Variants in MOK observed in about 807,000 individuals in gnomAD.
MOK encodes the protein MOK protein kinase, also known as MAPK/MAK/MRK overlapping kinase.
A neutral mutation model predicts 54.2 loss-of-function variants in MOK; 59 were observed. That is an observed-to-expected ratio of 1.09 (90% CI 0.88 to 1.35). The LOEUF (loss-of-function observed/expected upper bound fraction) is 1.35. Among genes scored for constraint, MOK ranks in the 40% most tolerant of loss-of-function variants. MOK has a pLI of 0.00. For synonymous variants in MOK, 210 were observed against 202.7 expected, an observed-to-expected ratio of 1.04 and a Z score of -0.31; for missense variants, 517 against 526.2, an observed-to-expected ratio of 0.98 and a Z score of 0.17.
At chr14:102,243,044 T>C (rs1372749118) in intron 7 of MOK, among the ~76,000 whole-genome samples, 7 of 152,142 alleles carry the variant, frequency 4.6e-5, no homozygotes, top group East Asian at 1.9e-4. Context: ...CCTCATCTGT[T>C]ACCTATCTTG....
At chr14:102,283,405 C>A in intron 2 of MOK, 73 bp downstream of exon 2, 1 of 899,036 alleles carries the variant, frequency 1.1e-6, no homozygotes, top group Non-Finnish European at 1.7e-6. Flanking sequence ...AAAGCTCCCC[C>A]CTAATATTAA....
In MOK at chr14:102,232,017, G is replaced by T; in HGVS notation, c.867-196C>A. 1 of 493,590 alleles carries T rather than the reference G, an allele frequency of 2.0e-6. No individual in the cohort carries two copies. The highest frequency in any genetic ancestry group is 3.6e-6 in the Non-Finnish European group (1 of 278,754). 30.6% of individuals were successfully genotyped at this position (493,590 alleles called of 1,614,324 possible). ...AGTCTCTGGGCCAGGAACAGAGCTG[G>T]CTCCATGAATCAGAAGCGCTGCCTA... On this transcript the variant is annotated intron_variant, in intron 9 of 11. Transcript: ENST00000361847. This position sits in a 1 kb window ranked among gnomAD's most constrained non-coding sequence, Gnocchi z 5.1.
rs2065131900 is a variant in MOK, at chr14:102,235,408, G to A, written c.591-1619C>T. 6.6e-6 allele frequency: 1 copy of A among 152,200 alleles called. No homozygotes were observed. Among genetic ancestry groups the A allele is most frequent in the Non-Finnish European group, 1.5e-5 (1 of 68,044 alleles). 9.4% of individuals were successfully genotyped at this position (152,200 alleles called of 1,614,324 possible). A position where few individuals can be genotyped will look rare whatever the true frequency, so the allele number is the denominator to read the frequency against. ...TATTTTGTCTTCTACCCTCCTTCCGGAAGAAAAGGAAAGAGTGTGGCTTGC... is the reference window on the plus strand; with the variant it reads ...TATTTTGTCTTCTACCCTCCTTCCGAAAGAAAAGGAAAGAGTGTGGCTTGC... On this transcript the variant is annotated intron_variant, in intron 7 of 11. Transcript: ENST00000361847. The surrounding 1 kb of genome is among the most constrained non-coding windows in gnomAD (Gnocchi z 4.4).
rs1177004817 is a variant in MOK at position 102,236,538 on chromosome 14, T to G, written c.591-2749A>C. On this transcript the variant is annotated intron_variant, in intron 7 of 11. Coordinates refer to ENST00000361847, the MANE Select transcript of MOK (RefSeq NM_014226.3). This position sits in a 1 kb window ranked among gnomAD's most constrained non-coding sequence, Gnocchi z 4.5. ...ATTCAAAGCCAAATTCAAATTCAAA[T>G]TTTGGCCAAATTCAAAGCTTCTATC... 6.6e-6 allele frequency among the ~76,000 whole-genome samples: 1 copy of G among 152,104 alleles called. No homozygotes were observed. The highest frequency in any genetic ancestry group is 1.5e-5 in the Non-Finnish European group (1 of 68,016).
At chr14:102,233,417 A>C (rs2064923468) in intron 8 of MOK, 5 of 417,512 alleles carry the variant, frequency 1.2e-5, no homozygotes, top group Non-Finnish European at 2.2e-5. Flanking sequence ...TGTTTAAATT[A>C]CTCAGGGAAC....
rs756414048 is a variant in MOK at position 102,251,783 on chromosome 14, A to G, written c.384T>C (p.Asp128=). The change falls in exon 6 of 12, where the codon GAT becomes GAC. Residue 128 remains aspartate (D), a synonymous_variant. Coordinates refer to ENST00000361847, the MANE Select transcript of MOK (RefSeq NM_014226.3). ...TTATTAGTATATTTTCTGGTTTTAC[A>G]TCTCTGTGAAATATTCCATTTCTGC... ...HIHRNGIFHR[D]VKPENILIKQ... is the part of the protein sequence containing the mutation. 6.4e-7 allele frequency: 1 copy of G among 1,572,882 alleles called. No homozygotes were observed. The highest frequency in any genetic ancestry group is 1.1e-5 in the South Asian group (1 of 89,196).
At chr14:102,250,768 C>T in intron 7 of MOK, 44 bp downstream of exon 7, 1 of 1,587,860 alleles carries the variant, frequency 6.3e-7, no homozygotes, top group Non-Finnish European at 8.6e-7. Context: ...GGCTGCTGCA[C>T]CGCTCCGCCG....
intron 1 of MOK, among the ~76,000 whole-genome samples, chr14:102,294,190 T>C (rs1387352497): frequency 6.6e-6 from 1 of 151,274 alleles, no homozygotes; most frequent in Non-Finnish European, 1.5e-5. Context: ...CTCATGCCTG[T>C]AATCCCAGCA....
intron 4 of MOK, among the ~76,000 whole-genome samples, chr14:102,255,759 T>A (rs932907578): frequency 6.6e-6 from 1 of 152,192 alleles, no homozygotes; most frequent in South Asian, 2.1e-4. Flanking sequence ...TAGAGTACAA[T>A]TAACGAGTTA....
intron 2 of MOK, among the ~76,000 whole-genome samples, chr14:102,268,073 G>C (rs931120140): frequency 6.6e-6 from 1 of 152,020 alleles, no homozygotes; most frequent in Admixed American, 6.6e-5. Flanking sequence ...TTGAACACCC[G>C]ATCTGAAAAA....
intron 1 of MOK, among the ~76,000 whole-genome samples, chr14:102,304,641 T>C (rs1001075560): frequency 6.6e-6 from 1 of 152,084 alleles, no homozygotes; most frequent in East Asian, 1.9e-4. Flanking sequence ...ATAAAATGAA[T>C]CACAGTCAAC....
rs970789453 is a variant in MOK, at chr14:102,231,999, G to C, written c.867-178C>G. ...TTTCTGTCTCAGCCTGACAGTCTCT[G>C]GGCCAGGAACAGAGCTGGCTCCATG... On this transcript the variant is annotated intron_variant, in intron 9 of 11. Transcript: ENST00000361847. This position sits in a 1 kb window ranked among gnomAD's most constrained non-coding sequence, Gnocchi z 4.4. The C allele has an allele frequency of 9.0e-5, 49 of 543,064 alleles. No homozygotes were observed. The highest frequency in any genetic ancestry group is 1.5e-4 in the Non-Finnish European group (45 of 308,184). The allele number at this position is 543,064 out of a possible 1,614,324, so 33.6% of individuals were successfully genotyped here.
intron 2 of MOK, among the ~76,000 whole-genome samples, chr14:102,276,398 A>T (rs988996422): frequency 3.7e-4 from 57 of 152,268 alleles, no homozygotes; most frequent in African/African-American, 1.2e-3. Context: ...CTGAGGCAAG[A>T]GAATGGCGTG....
chr14:102,284,601 T>C (rs2069821234), intron 1 of MOK, among the ~76,000 whole-genome samples: 1 of 151,718 alleles, frequency 6.6e-6, no homozygotes, highest in Non-Finnish European at 1.5e-5. Context: ...AATAGGAGAG[T>C]AAGACTGCAA....
intron 4 of MOK, among the ~76,000 whole-genome samples, chr14:102,258,333 G>A (rs939523049): frequency 8.5e-5 from 13 of 152,250 alleles, no homozygotes; most frequent in Non-Finnish European, 1.8e-4. Context: ...CTTCCCTCAC[G>A]GTGGCCTCAG....
downstream of MOK, among the ~76,000 whole-genome samples, chr14:102,228,191 G>A (rs1301266054): frequency 6.6e-6 from 1 of 152,226 alleles, no homozygotes; most frequent in East Asian, 1.9e-4. Context: ...CCCACTGACA[G>A]GCCAGGGGCA....
rs1045792496 is a variant in MOK, at chr14:102,228,964, C to T, written c.*325G>A. 5 of 354,758 alleles carry T rather than the reference C, an allele frequency of 1.4e-5. No individual in the cohort carries two copies. Among genetic ancestry groups the T allele is most frequent in the East Asian group, 1.0e-4 (2 of 19,642 alleles). 22.0% of individuals were successfully genotyped at this position (354,758 alleles called of 1,614,324 possible). ...ACACGCAGAACCCACCTTCCAACCA[C>T]GCCCAACACATCACAGAAATGCCTG... On this transcript the variant is annotated 3_prime_UTR_variant, in exon 12 of 12. Coordinates refer to ENST00000361847, the MANE Select transcript of MOK (RefSeq NM_014226.3).
In MOK at chr14:102,235,338, A is replaced by C. The variant is rs1476777230; in HGVS notation, c.591-1549T>G. The C allele has an allele frequency of 6.6e-6, 1 of 152,216 alleles. No homozygotes were observed. Among genetic ancestry groups the C allele is most frequent in the African/African-American group, 2.4e-5 (1 of 41,454 alleles). The allele number at this position is 152,216 out of a possible 1,614,324, so 9.4% of individuals were successfully genotyped here. A position where few individuals can be genotyped will look rare whatever the true frequency, so the allele number is the denominator to read the frequency against. On this transcript the variant is annotated intron_variant, in intron 7 of 11. Coordinates refer to ENST00000361847, the MANE Select transcript of MOK (RefSeq NM_014226.3). The surrounding 1 kb of genome is among the most constrained non-coding windows in gnomAD (Gnocchi z 4.4). ...CCGACACTTACATCAAATAATTTAA[A>C]TATCTCACCCAGTCTTATGAACTTA...
intron 1 of MOK, among the ~76,000 whole-genome samples, chr14:102,292,872 G>A (rs1219764353): frequency 6.6e-6 from 1 of 152,162 alleles, no homozygotes; most frequent in Non-Finnish European, 1.5e-5. Flanking sequence ...GGTAGCTCAT[G>A]CCTGTAATCC....
Sources: gnomAD v4.1 joint callset for allele counts (sites outside exome capture counted in the v4.1 genomes callset) on GRCh38, gnomAD v4.1.1 for gene constraint, Gnocchi (gnomAD v3.1) non-coding constraint, MANE v1.5 for transcripts, NCBI Gene and HGNC (gene_info 2026-07-23, HGNC 2026-07-21) for gene names.